ZNF282: variants seen among roughly 807,000 people sequenced by gnomAD.
The protein encoded by ZNF282 is zinc finger protein 282, also known as HTLV-I U5 repressive element-binding protein 1.
Under a neutral mutation model 61.9 loss-of-function variants are expected in ZNF282, and 30 were observed. The ratio of observed to expected loss-of-function variants is 0.48; its 90% confidence interval spans 0.36 to 0.66. ZNF282 has a LOEUF of 0.66. Among genes scored for constraint, ZNF282 ranks in the 30% least tolerant of loss-of-function variants. ZNF282 has a pLI of 0.00. For synonymous variants in ZNF282, 396 were observed against 405.0 expected (o/e 0.98, Z 0.27); for missense variants, 788 against 941.4 (o/e 0.84, Z 2.13).
intron 7 of ZNF282, among the ~76,000 whole-genome samples, chr7:149,217,546 A>G (rs1196546330): frequency 6.6e-6 from 1 of 152,102 alleles, no homozygotes; most frequent in African/African-American, 2.4e-5. Context: ...CCTGGGTGGC[A>G]GAGTAAGGCT....
In ZNF282 at chr7:149,224,147, CG is replaced by C; in HGVS notation, c.1518del (p.Ser507AlafsTer60). On this transcript the variant is annotated frameshift_variant, in exon 8 of 8. Transcript: ENST00000610704. LOFTEE classifies it high-confidence loss of function. ...CGSCCPGGLR[R>X]SLLLHGARSK... is the part of the protein sequence containing the mutation. ...CAGCTGCTGCCCTGGCGGGCTGCGGCGGAGCCTCCTCCTGCACGGCGCCCGC... is the reference window on the plus strand; with the variant it reads ...CAGCTGCTGCCCTGGCGGGCTGCGGCGAGCCTCCTCCTGCACGGCGCCCGC... The C allele has an allele frequency of 6.6e-7, 1 of 1,512,712 alleles. No homozygotes were observed. 93.7% of individuals were successfully genotyped at this position (1,512,712 alleles called of 1,614,324 possible). A position where few individuals can be genotyped will look rare whatever the true frequency, so the allele number is the denominator to read the frequency against.
intron 2 of ZNF282, among the ~76,000 whole-genome samples, chr7:149,199,534 C>T (rs1026281144): frequency 2.0e-5 from 3 of 152,174 alleles, no homozygotes; most frequent in African/African-American, 7.2e-5. Flanking sequence ...GAAAACCTCC[C>T]TGGGCCCTGC....
intron 3 of ZNF282, 89 bp from the exon 4 acceptor site, chr7:149,207,262 A>T: frequency 6.8e-7 from 1 of 1,469,684 alleles, no homozygotes; most frequent in Non-Finnish European, 9.2e-7. Flanking sequence ...GGAGAGGGGG[A>T]GATGGGGTAG....
At chr7:149,197,858 T>C (rs1265475639) in intron 1 of ZNF282, among the ~76,000 whole-genome samples, 3 of 152,248 alleles carry the variant, frequency 2.0e-5, no homozygotes, top group African/African-American at 7.2e-5. Context: ...TGCCTCCCTG[T>C]GCTTCAGTTT....
At chr7:149,209,659 T>C (rs1796050417) in intron 4 of ZNF282, among the ~76,000 whole-genome samples, 1 of 152,180 alleles carries the variant, frequency 6.6e-6, no homozygotes, top group Non-Finnish European at 1.5e-5. Flanking sequence ...CCAGAGAGGC[T>C]AAATGACTCA....
At chr7:149,199,453 C>T (rs1258814549) in intron 2 of ZNF282, among the ~76,000 whole-genome samples, 1 of 152,010 alleles carries the variant, frequency 6.6e-6, no homozygotes, top group African/African-American at 2.4e-5. Flanking sequence ...TCTGAGTCAT[C>T]AGCTCTCCCC....
intron 4 of ZNF282, among the ~76,000 whole-genome samples, chr7:149,209,274 A>C (rs970965445): frequency 6.6e-6 from 1 of 151,340 alleles, no homozygotes; most frequent in African/African-American, 2.4e-5. Flanking sequence ...GTGAGCCGAG[A>C]TTGTGCCACT....
chr7:149,206,127 G>A (rs1795987813), intron 2 of ZNF282, among the ~76,000 whole-genome samples: 1 of 152,222 alleles, frequency 6.6e-6, no homozygotes, highest in Non-Finnish European at 1.5e-5. Flanking sequence ...GCTTCCTGGT[G>A]TTGGCACTCG....
intron 6 of ZNF282, among the ~76,000 whole-genome samples, chr7:149,213,462 C>T (rs940809244): frequency 1.3e-5 from 2 of 152,178 alleles, no homozygotes; most frequent in African/African-American, 4.8e-5. Flanking sequence ...AATCCCGGCC[C>T]TGCCACTGCA....
In ZNF282 at chr7:149,224,824, G is replaced by A. The variant is rs1394821754; in HGVS notation, c.*177G>A. 1.4e-5 allele frequency: 17 copies of A among 1,192,990 alleles called. No individual in the cohort carries two copies. In the Middle Eastern group the frequency reaches 8.9e-4, roughly 62 times the overall value. The allele number at this position is 1,192,990 out of a possible 1,614,324, so 73.9% of individuals were successfully genotyped here. A position where few individuals can be genotyped will look rare whatever the true frequency, so the allele number is the denominator to read the frequency against. On this transcript the variant is annotated 3_prime_UTR_variant, in exon 8 of 8. Transcript: ENST00000610704. ...CCAGATCTGTCTGGTCTGAATGGAC[G>A]CCCAGCTCATCTAGGGTGGACCCAG...
chr7:149,204,533 A>C (rs1417609981), intron 2 of ZNF282, among the ~76,000 whole-genome samples: 4 of 152,226 alleles, frequency 2.6e-5, no homozygotes, highest in Non-Finnish European at 5.9e-5. Context: ...ACTTAGATTA[A>C]GCTTCACAGG....
chr7:149,211,419 C>T (rs1796082958), intron 5 of ZNF282, among the ~76,000 whole-genome samples: 1 of 152,156 alleles, frequency 6.6e-6, no homozygotes, highest in Non-Finnish European at 1.5e-5. Flanking sequence ...ATTCCCTTTT[C>T]CTTGGGGGAG....
chr7:149,215,668 A>G (rs1796151731), intron 7 of ZNF282, among the ~76,000 whole-genome samples: 1 of 152,216 alleles, frequency 6.6e-6, no homozygotes, highest in Non-Finnish European at 1.5e-5. Context: ...GGAACGAGAT[A>G]GGAACAATGT....
intron 4 of ZNF282, among the ~76,000 whole-genome samples, chr7:149,207,925 C>T (rs1164406455): frequency 3.9e-5 from 6 of 152,226 alleles, no homozygotes; most frequent in African/African-American, 1.4e-4. Context: ...CAGGCTCGCC[C>T]TGCAAGCCGC....
rs1478826880 is a variant in ZNF282 at position 149,226,010 on chromosome 7, G to C, written c.*1363G>C. On this transcript the variant is annotated 3_prime_UTR_variant, in exon 8 of 8. Coordinates refer to ENST00000610704, the MANE Select transcript of ZNF282 (RefSeq NM_003575.4). ...TCCCTGCCCTTGCCGTGGGTCCGGC[G>C]TTCCTCCCAGCCGGGATCACAGTGG... The C allele has an allele frequency of 6.6e-6, 1 of 152,594 alleles. No individual in the cohort carries two copies. Among genetic ancestry groups the C allele is most frequent in the Non-Finnish European group, 1.5e-5 (1 of 68,088 alleles). The allele number at this position is 152,594 out of a possible 1,614,324, so 9.5% of individuals were successfully genotyped here.
intron 1 of ZNF282, among the ~76,000 whole-genome samples, chr7:149,196,631 C>T (rs960669408): frequency 1.3e-5 from 2 of 152,118 alleles, no homozygotes; most frequent in Non-Finnish European, 2.9e-5. Flanking sequence ...CCAGGGGCTG[C>T]TGTGTTGTGT....
intron 7 of ZNF282, among the ~76,000 whole-genome samples, chr7:149,223,089 C>T (rs1440477206): frequency 6.6e-6 from 1 of 152,178 alleles, no homozygotes; most frequent in African/African-American, 2.4e-5. Flanking sequence ...ATTCTCCTGC[C>T]TCAGCCTCCT....
At chr7:149,209,596 A>G (rs1056289053) in intron 4 of ZNF282, among the ~76,000 whole-genome samples, 1 of 152,218 alleles carries the variant, frequency 6.6e-6, no homozygotes, top group Non-Finnish European at 1.5e-5. Context: ...TGAGCATGAG[A>G]TAGAACAGGG....
Position 149,224,766 on chromosome 7 carries a change from G to A in ZNF282, c.*119G>A. 7.0e-7 allele frequency: 1 copy of A among 1,419,430 alleles called. No individual in the cohort carries two copies. Among genetic ancestry groups the A allele is most frequent in the Non-Finnish European group, 9.2e-7 (1 of 1,085,696 alleles). 87.9% of individuals were successfully genotyped at this position (1,419,430 alleles called of 1,614,324 possible). A position where few individuals can be genotyped will look rare whatever the true frequency, so the allele number is the denominator to read the frequency against. Reference sequence around the variant, plus strand: ...AATCGGCAACAGGCATTGCACTCCGGTTGGGGGTCCCCCAGGGTGGGGCAG... The same window carrying A: ...AATCGGCAACAGGCATTGCACTCCGATTGGGGGTCCCCCAGGGTGGGGCAG... On this transcript the variant is annotated 3_prime_UTR_variant, in exon 8 of 8. Coordinates refer to ENST00000610704, the MANE Select transcript of ZNF282 (RefSeq NM_003575.4).
Sources: allele counts gnomAD v4.1 joint callset (sites outside exome capture counted in the v4.1 genomes callset), GRCh38; gene constraint gnomAD v4.1.1; transcripts MANE v1.5; gene names NCBI Gene and HGNC (gene_info 2026-07-23, HGNC 2026-07-21).